Variants in GFRA2 observed in about 807,000 individuals in gnomAD.
GFRA2 encodes GDNF family receptor alpha 2.
GFRA2 carries 17 observed loss-of-function variants against 48.3 expected under a neutral mutation model. That is an observed-to-expected ratio of 0.35 (90% CI 0.24 to 0.53). The LOEUF (loss-of-function observed/expected upper bound fraction) is 0.53, where lower values mean the gene tolerates loss of function less well. Among genes scored for constraint, GFRA2 ranks in the 20% least tolerant of loss-of-function variants. The pLI is 0.93. For synonymous variants in GFRA2, 305 were observed against 257.2 expected (o/e 1.19, Z -1.78); for missense variants, 660 against 637.3 (o/e 1.04, Z -0.38).
At chr8:21,761,298 C>T (rs755315021) in intron 3 of GFRA2, among the ~76,000 whole-genome samples, 4 of 152,218 alleles carry the variant, frequency 2.6e-5, no homozygotes, top group Admixed American at 6.5e-5. Context: ...GCTGGATTGA[C>T]GAATAAAACC....
At chr8:21,778,338 A>G (rs1806811952) in intron 2 of GFRA2, among the ~76,000 whole-genome samples, 1 of 152,174 alleles carries the variant, frequency 6.6e-6, no homozygotes, top group African/African-American at 2.4e-5. Flanking sequence ...TCCCCTGGTC[A>G]GCCCTGGGCA....
In GFRA2 at chr8:21,741,932, A is replaced by AAAAG. The variant is rs568674453; in HGVS notation, c.794+8652_794+8655dup. Among the ~76,000 whole-genome samples the AAAAG allele has an allele frequency of 2.8e-3, 420 of 148,840 alleles. 2 individuals carry two copies. Among genetic ancestry groups the AAAAG allele is most frequent in the Non-Finnish European group, 5.2e-3 (351 of 67,710 alleles). The stretch of plus-strand genomic sequence containing the variant: ...CAAGACTCCATCTCAAAAAAAAAAA[A>AAAAG]AAAGAAAGAAAGAAAGAAAGATGCC... On this transcript the variant is annotated intron_variant, in intron 4 of 8. Transcript: ENST00000524240.
intron 4 of GFRA2, among the ~76,000 whole-genome samples, chr8:21,712,058 T>A (rs1803068227): frequency 6.6e-6 from 1 of 152,368 alleles, no homozygotes; most frequent in South Asian, 2.1e-4. Flanking sequence ...CAGAACAAAA[T>A]GAAAAGTCTC....
In GFRA2 at chr8:21,788,340, G is replaced by T; in HGVS notation, c.-181C>A. ...GCGATTCTCGCCTCTGGCTGGAGGG[G>T]GTGGGGTGAGAGGCGGGCGATGGGC... On this transcript the variant is annotated 5_prime_UTR_variant, in exon 1 of 9. Coordinates refer to ENST00000524240, the MANE Select transcript of GFRA2 (RefSeq NM_001495.5). The T allele has an allele frequency of 7.3e-7, 1 of 1,366,568 alleles. No homozygotes were observed. 84.7% of individuals were successfully genotyped at this position (1,366,568 alleles called of 1,614,324 possible). A position where few individuals can be genotyped will look rare whatever the true frequency, so the allele number is the denominator to read the frequency against.
At chr8:21,731,041 C>T (rs1001124287) in intron 4 of GFRA2, among the ~76,000 whole-genome samples, 10 of 152,044 alleles carry the variant, frequency 6.6e-5, no homozygotes, top group African/African-American at 9.7e-5. Flanking sequence ...ACTCGGCTCG[C>T]GTGTCCCCTC....
At chr8:21,728,265 GTTT>G (rs34490346) in intron 4 of GFRA2, among the ~76,000 whole-genome samples, 1 of 65,288 alleles carries the variant, frequency 1.5e-5, no homozygotes, top group Non-Finnish European at 2.7e-5. Flanking sequence ...CGGGAACCAG[GTTT>G]TTTTTTTTTT....
chr8:21,807,809 G>A (rs1442230858), intron 1 of GFRA2, among the ~76,000 whole-genome samples: 1 of 152,230 alleles, frequency 6.6e-6, no homozygotes, highest in African/African-American at 2.4e-5. Context: ...AGGGAAAGTT[G>A]ACTAATTCCT....
intron 4 of GFRA2, among the ~76,000 whole-genome samples, chr8:21,711,389 A>C (rs1489750837): frequency 6.6e-6 from 1 of 152,234 alleles, no homozygotes; most frequent in Non-Finnish European, 1.5e-5. Flanking sequence ...AGCCAAGTCC[A>C]TCTCGGCTGA....
At chr8:21,727,159 C>T (rs779370399) in intron 4 of GFRA2, among the ~76,000 whole-genome samples, 5 of 152,156 alleles carry the variant, frequency 3.3e-5, no homozygotes, top group Admixed American at 6.5e-5. Context: ...TCTGTTCCCA[C>T]GAGGTGTTTG....
chr8:21,766,459 A>G (rs1806155653), intron 3 of GFRA2, among the ~76,000 whole-genome samples: 1 of 151,956 alleles, frequency 6.6e-6, no homozygotes, highest in Admixed American at 6.5e-5. Context: ...GAGGGTGCTC[A>G]GTGAGTTATC....
At chr8:21,739,504 A>G (rs111717470) in intron 4 of GFRA2, among the ~76,000 whole-genome samples, 47 of 152,316 alleles carry the variant, frequency 3.1e-4, no homozygotes, top group Middle Eastern at 3.4e-3. Context: ...CTTATTAAGT[A>G]ACACATTTAG....
chr8:21,758,227 A>C (rs4428664), intron 3 of GFRA2, among the ~76,000 whole-genome samples: 17,678 of 84,160 alleles, frequency 0.21, 1,186 homozygotes, highest in African/African-American at 0.22. Flanking sequence ...ACACACACAC[A>C]CCTCACCCAG....
chr8:21,774,925 C>T (rs368084526), intron 3 of GFRA2, 47 bp downstream of exon 3: 4 of 1,038,112 alleles, frequency 3.9e-6, no homozygotes, highest in East Asian at 2.4e-5. Context: ...TGCCATGCCA[C>T]AGGGACGAGA....
chr8:21,788,327 T>G lies in GFRA2; in HGVS notation c.-168A>C, dbSNP rs1390766468. ...GATCCCGAGTCCTGCGATTCTCGCC[T>G]CTGGCTGGAGGGGGTGGGGTGAGAG... On this transcript the variant is annotated 5_prime_UTR_variant, in exon 1 of 9. Transcript: ENST00000524240. 7.2e-7 allele frequency: 1 copy of G among 1,386,200 alleles called. No individual in the cohort carries two copies. Among genetic ancestry groups the G allele is most frequent in the Non-Finnish European group, 9.3e-7 (1 of 1,072,074 alleles). The allele number at this position is 1,386,200 out of a possible 1,614,324, so 85.9% of individuals were successfully genotyped here. A position where few individuals can be genotyped will look rare whatever the true frequency, so the allele number is the denominator to read the frequency against.
chr8:21,753,901 G>T (rs531158397), intron 3 of GFRA2, among the ~76,000 whole-genome samples: 1 of 152,220 alleles, frequency 6.6e-6, no homozygotes, highest in East Asian at 1.9e-4. Context: ...CAGCCTCCTG[G>T]ATCTTCCTGG....
chr8:21,767,149 T>C (rs1806205882), intron 3 of GFRA2, among the ~76,000 whole-genome samples: 1 of 123,972 alleles, frequency 8.1e-6, no homozygotes, highest in East Asian at 2.8e-4. Context: ...ACCACACACA[T>C]GCATCACATA....
At chr8:21,793,257 T>C (rs1807608763), upstream of GFRA2, among the ~76,000 whole-genome samples, 1 of 152,104 alleles carries the variant, frequency 6.6e-6, no homozygotes. Flanking sequence ...ATGATGAGAA[T>C]AATGTTTTAG....
chr8:21,746,913 C>T (rs1045898836), intron 4 of GFRA2, among the ~76,000 whole-genome samples: 18 of 152,166 alleles, frequency 1.2e-4, no homozygotes, highest in African/African-American at 3.9e-4. Flanking sequence ...GGCTGCAGGC[C>T]TGGTAGGAGC....
chr8:21,775,654 T>C (rs1282200796), intron 2 of GFRA2, among the ~76,000 whole-genome samples: 7 of 152,252 alleles, frequency 4.6e-5, no homozygotes, highest in Non-Finnish European at 8.8e-5. Context: ...CCCCCCATCG[T>C]GTCACCAGGA....
Sources: gnomAD v4.1 joint callset for allele counts (sites outside exome capture counted in the v4.1 genomes callset) on GRCh38, gnomAD v4.1.1 for gene constraint, MANE v1.5 for transcripts, NCBI Gene and HGNC (gene_info 2026-07-23, HGNC 2026-07-21) for gene names.